PCDH11X: variants seen among roughly 807,000 people sequenced by gnomAD.
PCDH11X encodes protocadherin-11 X-linked.
Under a neutral mutation model 53.3 loss-of-function variants are expected in PCDH11X, and 18 were observed. That is an observed-to-expected ratio of 0.34 (90% CI 0.23 to 0.50). PCDH11X has a LOEUF of 0.50. Ranked by LOEUF, PCDH11X falls within the 20% of genes least tolerant of loss-of-function variation. PCDH11X has a pLI of 0.98. For synonymous variants in PCDH11X, 279 were observed against 393.3 expected, an observed-to-expected ratio of 0.71 and a Z score of 3.44; for missense variants, 570 against 1,032.4, an observed-to-expected ratio of 0.55 and a Z score of 6.14.
intron 8 of PCDH11X, among the ~76,000 whole-genome samples, chrX:92,267,817 G>T (rs1185858336): frequency 8.9e-6 from 1 of 112,301 alleles, no homozygotes; most frequent in Non-Finnish European, 1.9e-5. Context: ...ACCAGCATCT[G>T]CTGAGGACCT....
intron 10 of PCDH11X, among the ~76,000 whole-genome samples, chrX:92,511,293 A>G (rs1233583859): frequency 8.9e-6 from 1 of 111,845 alleles, no homozygotes; most frequent in African/African-American, 3.2e-5. Context: ...TGTCATTAAA[A>G]CATGTCACTG....
intron 6 of PCDH11X, among the ~76,000 whole-genome samples, chrX:92,188,520 T>C (rs2066138431): frequency 9.0e-6 from 1 of 111,396 alleles, no homozygotes; most frequent in Admixed American, 9.6e-5. Context: ...GGGGCAGCCA[T>C]TCAAGTAGTT....
intron 8 of PCDH11X, among the ~76,000 whole-genome samples, chrX:92,271,146 T>G (rs1205385600): frequency 8.9e-6 from 1 of 112,356 alleles, no homozygotes. Context: ...GAATCTCCAG[T>G]AATTCAGTTC....
intron 6 of PCDH11X, among the ~76,000 whole-genome samples, chrX:91,995,890 T>C (rs113264913): frequency 0.016 from 1,658 of 103,610 alleles, 38 homozygotes; most frequent in African/African-American, 0.054. Flanking sequence ...CGCTCTGTCA[T>C]CCAGGCTGGA....
chrX:92,185,772 C>A (rs778175423), intron 6 of PCDH11X, among the ~76,000 whole-genome samples: 12 of 108,139 alleles, frequency 1.1e-4, no homozygotes, highest in Non-Finnish European at 2.1e-4. Flanking sequence ...CAGGGAAATC[C>A]AAATCCAAAT....
chrX:92,565,473 A>G (rs1388420734), intron 10 of PCDH11X, among the ~76,000 whole-genome samples: 2 of 99,291 alleles, frequency 2.0e-5, no homozygotes, highest in South Asian at 4.6e-4. Context: ...ATGAGATCCA[A>G]TCATTTGCAA....
At chrX:92,490,684 C>T (rs772179063) in intron 10 of PCDH11X, among the ~76,000 whole-genome samples, 302 of 104,524 alleles carry the variant, frequency 2.9e-3, no homozygotes, top group Non-Finnish European at 4.6e-3. Context: ...ATCATGCGTG[C>T]CCAGGAGACC....
intron 6 of PCDH11X, among the ~76,000 whole-genome samples, chrX:92,033,675 T>C (rs754135851): frequency 9.2e-6 from 1 of 109,152 alleles, no homozygotes; most frequent in South Asian, 4.0e-4. Flanking sequence ...AGTTTGTCAA[T>C]TATGTCTTCA....
chrX:92,317,438 ATCTT>A (rs1041619166), intron 8 of PCDH11X, among the ~76,000 whole-genome samples: 1 of 110,727 alleles, frequency 9.0e-6, no homozygotes, highest in Non-Finnish European at 1.9e-5. Context: ...CTCTTTCTCT[ATCTT>A]TCTCTCTTTT....
chrX:91,784,725 C>T (rs1411761619), intron 1 of PCDH11X, among the ~76,000 whole-genome samples: 2 of 111,630 alleles, frequency 1.8e-5, no homozygotes, highest in East Asian at 2.8e-4. Context: ...TTTTCCTCCT[C>T]TAAGTCAGCT....
chrX:92,025,400 T>C (rs1363676958), intron 6 of PCDH11X, among the ~76,000 whole-genome samples: 2 of 100,610 alleles, frequency 2.0e-5, no homozygotes, highest in Non-Finnish European at 4.0e-5. Flanking sequence ...ACAAAAGATA[T>C]GAACAGACAC....
chrX:91,782,305 C>A (rs1935178486), intron 1 of PCDH11X, among the ~76,000 whole-genome samples: 1 of 97,182 alleles, frequency 1.0e-5, no homozygotes, highest in Non-Finnish European at 2.0e-5. Flanking sequence ...TTCCCTCCTC[C>A]ATTTCCTCCT....
At chrX:92,271,156 C>A (rs775900751) in intron 8 of PCDH11X, among the ~76,000 whole-genome samples, 71 of 112,265 alleles carry the variant, frequency 6.3e-4, no homozygotes, top group Non-Finnish European at 5.6e-5. Flanking sequence ...TAATTCAGTT[C>A]TCTTTTTCTT....
At chrX:92,375,166 A>ATATATATATATATATTTTT (rs1302181048) in intron 8 of PCDH11X, among the ~76,000 whole-genome samples, 3 of 8,262 alleles carry the variant, frequency 3.6e-4, no homozygotes, top group Admixed American at 2.2e-3. Context: ...ATATATATAT[A>ATATATATATATATATTTTT]TTTTTTTTTT....
At chrX:91,822,680 C>T (rs1936738830) in intron 4 of PCDH11X, among the ~76,000 whole-genome samples, 2 of 107,022 alleles carry the variant, frequency 1.9e-5, no homozygotes, top group South Asian at 8.3e-4. Context: ...TCCTTCAGTT[C>T]TGCTCTGATT....
chrX:92,166,965 C>T (rs113933847), intron 6 of PCDH11X, among the ~76,000 whole-genome samples: 3,102 of 110,291 alleles, frequency 0.028, 102 homozygotes, highest in African/African-American at 0.097. Context: ...GAAATGTCAC[C>T]AATAGCTGTA....
At chrX:92,528,413 C>CTGTA (rs201569696) in intron 10 of PCDH11X, among the ~76,000 whole-genome samples, 1 of 110,164 alleles carries the variant, frequency 9.1e-6, no homozygotes, top group Non-Finnish European at 1.9e-5. Context: ...CTGCCTCAGC[C>CTGTA]TCCCGAGTAG....
rs966743992 is a variant in PCDH11X, at chrX:92,518,080, T to C, written c.3367+49758T>C. On this transcript the variant is annotated intron_variant, in intron 10 of 10. Transcript: ENST00000682573. Reference sequence around the variant, plus strand: ...TGATTTCTCTTTTTTTATTGGTTGGTTTAAGCAAAACAGTATGTAAAAACT... The same window carrying C: ...TGATTTCTCTTTTTTTATTGGTTGGCTTAAGCAAAACAGTATGTAAAAACT... Among the ~76,000 whole-genome samples the C allele has an allele frequency of 3.7e-4, 39 of 106,192 alleles. 1 individual carries two copies. Among genetic ancestry groups the C allele is most frequent in the African/African-American group, 1.3e-3 (38 of 30,106 alleles). The allele number at this position is 106,192 out of a possible 115,157, so 92.2% of individuals were successfully genotyped here. A position where few individuals can be genotyped will look rare whatever the true frequency, so the allele number is the denominator to read the frequency against.
At chrX:92,623,227 TAAAC>T (rs1471968906) in exon 11 of PCDH11X, 1 of 110,893 alleles carries the variant, frequency 9.0e-6, no homozygotes, top group Non-Finnish European at 1.9e-5. Context: ...TTATGAGAAA[TAAAC>T]ATTCATTGTT....
Sources: allele counts gnomAD v4.1 joint callset (sites outside exome capture counted in the v4.1 genomes callset), GRCh38; gene constraint gnomAD v4.1.1; transcripts MANE v1.5; gene names NCBI Gene and HGNC (gene_info 2026-07-23, HGNC 2026-07-21).